ABCC1: variants seen among roughly 807,000 people sequenced by gnomAD.
ABCC1 encodes the protein ATP binding cassette subfamily C member 1 (ABCC1 blood group).
ABCC1 carries 83 observed loss-of-function variants against 172.9 expected under a neutral mutation model. The observed-to-expected ratio is 0.48, with a 90% CI of 0.40 to 0.58. ABCC1 has a LOEUF of 0.58. Ranked by LOEUF, ABCC1 falls within the 20% of genes least tolerant of loss-of-function variation. The probability of loss-of-function intolerance (pLI) is 0.00; values close to 1 mark genes in which losing one functional copy is unlikely to be tolerated. For synonymous variants in ABCC1, 937 were observed against 825.2 expected (o/e 1.14, Z -2.32); for missense variants, 1,817 against 2,002.7 (o/e 0.91, Z 1.77).
intron 28 of ABCC1, among the ~76,000 whole-genome samples, chr16:16,135,697 C>T (rs944883166): frequency 6.6e-6 from 1 of 152,168 alleles, no homozygotes; most frequent in Non-Finnish European, 1.5e-5. Flanking sequence ...CTCGAGTGAT[C>T]TGCCTGCCTC....
intron 27 of ABCC1, among the ~76,000 whole-genome samples, chr16:16,133,126 T>A (rs2045768406): frequency 6.6e-6 from 1 of 152,184 alleles, no homozygotes; most frequent in African/African-American, 2.4e-5. Context: ...GAACCTTCTC[T>A]TGGTTCCGAG....
intron 13 of ABCC1, among the ~76,000 whole-genome samples, chr16:16,070,185 C>A (rs2050285546): frequency 6.6e-6 from 1 of 150,432 alleles, no homozygotes; most frequent in Non-Finnish European, 1.5e-5. Flanking sequence ...AGTTCAAAAT[C>A]AGCCTGGGCA....
intron 5 of ABCC1, among the ~76,000 whole-genome samples, chr16:16,030,790 CAG>C (rs2048533372): frequency 6.6e-6 from 1 of 152,048 alleles, no homozygotes; most frequent in Non-Finnish European, 1.5e-5. Context: ...TTCAGTGCCC[CAG>C]TCGCACCCAG....
intron 1 of ABCC1, among the ~76,000 whole-genome samples, chr16:15,951,080 C>G (rs1179385793): frequency 6.6e-6 from 1 of 152,144 alleles, no homozygotes; most frequent in African/African-American, 2.4e-5. Context: ...ATTGGAGCCT[C>G]TTTGCAGATG....
intron 16 of ABCC1, among the ~76,000 whole-genome samples, chr16:16,081,395 C>T (rs555310028): frequency 1.2e-4 from 19 of 152,326 alleles, no homozygotes; most frequent in African/African-American, 4.6e-4. Flanking sequence ...ACATTGCTTT[C>T]TGTTTCCTTA....
intron 20 of ABCC1, among the ~76,000 whole-genome samples, chr16:16,103,953 C>T (rs576108607): frequency 3.9e-5 from 6 of 152,228 alleles, no homozygotes; most frequent in Admixed American, 6.5e-5. Flanking sequence ...TTCGGAGTTT[C>T]TTCCTTCTGG....
At chr16:16,095,718 A>G (rs1470666667) in intron 19 of ABCC1, among the ~76,000 whole-genome samples, 1 of 151,872 alleles carries the variant, frequency 6.6e-6, no homozygotes, top group African/African-American at 2.4e-5. Context: ...TGGAGATGGG[A>G]TATCAGTCTG....
At chr16:16,100,105 T>A (rs2051659824) in intron 19 of ABCC1, among the ~76,000 whole-genome samples, 1 of 150,958 alleles carries the variant, frequency 6.6e-6, no homozygotes, top group Non-Finnish European at 1.5e-5. Context: ...AAAAAAAAAA[T>A]GCTGAGAGGA....
intron 19 of ABCC1, among the ~76,000 whole-genome samples, chr16:16,093,652 G>A (rs531575677): frequency 3.3e-5 from 5 of 152,138 alleles, no homozygotes; most frequent in Non-Finnish European, 5.9e-5. Flanking sequence ...TGCTCTGGAG[G>A]GGCCCTGGCT....
At position 16,104,966 on chromosome 16, in the gene ABCC1, C is replaced by T. The variant is rs1214481678; in HGVS notation, c.2736-1772C>T. 2.0e-5 allele frequency among the ~76,000 whole-genome samples: 3 copies of T among 152,186 alleles called. No homozygotes were observed. The East Asian group carries it at 5.8e-4, about 29-fold the overall frequency. ...ACGCCCACCCAGAACTAGCGCTGGCCCGCAAGCGCCCTGTGCAGCTCCGGT... is the reference window on the plus strand; with the variant it reads ...ACGCCCACCCAGAACTAGCGCTGGCTCGCAAGCGCCCTGTGCAGCTCCGGT... On this transcript the variant is annotated intron_variant, in intron 20 of 30. Coordinates refer to ENST00000399410, the MANE Select transcript of ABCC1 (RefSeq NM_004996.4).
At chr16:15,957,780 A>G (rs565899593) in intron 1 of ABCC1, among the ~76,000 whole-genome samples, 42 of 152,070 alleles carry the variant, frequency 2.8e-4, no homozygotes, top group African/African-American at 9.9e-4. Context: ...TTTGATAGAA[A>G]CGGGGTTTCC....
At chr16:16,081,831 C>A (rs1371478635) in intron 16 of ABCC1, among the ~76,000 whole-genome samples, 1 of 151,726 alleles carries the variant, frequency 6.6e-6, no homozygotes, top group East Asian at 2.0e-4. Context: ...ACCAGCCTGA[C>A]CAGCATGGCG....
chr16:15,954,898 C>CGAA, intron 1 of ABCC1, among the ~76,000 whole-genome samples: 1 of 152,190 alleles, frequency 6.6e-6, no homozygotes. Flanking sequence ...CGTGAGCTTC[C>CGAA]TCTTCCCATG....
At position 16,033,199 on chromosome 16, in the gene ABCC1, A is replaced by T. The variant is rs750544452; in HGVS notation, c.677+29A>T. 7 of 1,601,260 alleles carry T rather than the reference A, an allele frequency of 4.4e-6. No homozygotes were observed. The African/African-American group carries it at 9.4e-5, about 21-fold the overall frequency. On this transcript the variant is annotated intron_variant, in intron 6 of 30. Transcript: ENST00000399410. ...AGGCCAGGCCCCCCAGACCTCAGGG[A>T]GGTGGTGGGGAGTGAATGAATGAAT...
upstream of ABCC1, chr16:15,949,612 C>T (rs1350443947): frequency 1.6e-5 from 5 of 315,312 alleles, no homozygotes; most frequent in Non-Finnish European, 1.8e-5. Context: ...CGGCTCCCTG[C>T]GCCGCCGCCG....
intron 5 of ABCC1, among the ~76,000 whole-genome samples, chr16:16,028,138 G>T (rs567109006): frequency 6.6e-6 from 1 of 152,104 alleles, no homozygotes; most frequent in Non-Finnish European, 1.5e-5. Flanking sequence ...TCAGCTGGCC[G>T]TTTCCAGAAA....
At chr16:16,120,551 A>G (rs1024379868) in intron 23 of ABCC1, among the ~76,000 whole-genome samples, 10 of 152,210 alleles carry the variant, frequency 6.6e-5, no homozygotes, top group African/African-American at 2.4e-4. Context: ...GCTGCTTGTG[A>G]AACGTATCAT....
rs553630409 is a variant in ABCC1 at position 16,141,508 on chromosome 16, C to T, written c.*227C>T. On this transcript the variant is annotated 3_prime_UTR_variant, in exon 31 of 31. Coordinates refer to ENST00000399410, the MANE Select transcript of ABCC1 (RefSeq NM_004996.4). ...ACAGAGATGCGAACCACCCAAAACA[C>T]GCACACCCTGCCCCTGGTGCCCTGA... The T allele has an allele frequency of 1.3e-4, 71 of 543,508 alleles. No homozygotes were observed. Among genetic ancestry groups the T allele is most frequent in the South Asian group, 1.3e-3 (55 of 42,706 alleles). 33.7% of individuals were successfully genotyped at this position (543,508 alleles called of 1,614,324 possible).
intron 1 of ABCC1, among the ~76,000 whole-genome samples, chr16:16,002,464 A>G (rs186625840): frequency 6.6e-4 from 100 of 152,284 alleles, no homozygotes; most frequent in Admixed American, 2.3e-3. Context: ...AAACACATCT[A>G]TGTTACTGAT....
Sources: gnomAD v4.1 joint callset for allele counts (sites outside exome capture counted in the v4.1 genomes callset) on GRCh38, gnomAD v4.1.1 for gene constraint, MANE v1.5 for transcripts, NCBI Gene and HGNC (gene_info 2026-07-23, HGNC 2026-07-21) for gene names.